The following NPY2R variants were observed in gnomAD, a reference collection of about 807,000 sequenced individuals.
The protein encoded by NPY2R is neuropeptide Y receptor type 2.
Under a neutral mutation model 22.3 loss-of-function variants are expected in NPY2R, and 17 were observed. The observed-to-expected ratio is 0.76, with a 90% CI of 0.52 to 1.14. NPY2R has a LOEUF of 1.14. NPY2R is among the 50% of genes most tolerant of loss of function. The probability of loss-of-function intolerance (pLI) is 0.00; values close to 1 mark genes in which losing one functional copy is unlikely to be tolerated. For missense variants in NPY2R, 424 were observed against 467.9 expected, an observed-to-expected ratio of 0.91 and a Z score of 0.87; for synonymous variants, 209 against 183.4, an observed-to-expected ratio of 1.14 and a Z score of -1.13.
chr4:155,202,024 T>C, the NPY2R span, among the ~76,000 whole-genome samples: 3 of 152,184 alleles, frequency 2.0e-5, no homozygotes, highest in Admixed American at 6.5e-5. Context: ...ACTCACTATA[T>C]ATTTTGTTTG....
intron 1 of NPY2R, among the ~76,000 whole-genome samples, chr4:155,209,528 G>A (rs1438307332): frequency 6.6e-6 from 1 of 152,116 alleles, no homozygotes; most frequent in East Asian, 1.9e-4. Flanking sequence ...GAGACTTTTT[G>A]CAATAGGTAC....
chr4:155,174,813 G>A, the NPY2R span, among the ~76,000 whole-genome samples: 119 of 151,846 alleles, frequency 7.8e-4, 3 homozygotes, highest in Admixed American at 7.2e-4. Context: ...TGATATTCAG[G>A]CATTGCCATG....
In NPY2R at chr4:155,214,266, C is replaced by T. The variant is rs1578901486; in HGVS notation, c.327C>T (p.Thr109=). 7 of 1,613,994 alleles carry T rather than the reference C, an allele frequency of 4.3e-6. No individual in the cohort carries two copies. The highest frequency in any genetic ancestry group is 5.9e-6 in the Non-Finnish European group (7 of 1,179,970). ...VNTLCLPFTL[T]YTLMGEWKMG... The stretch of plus-strand genomic sequence containing the variant: ...CTCTGTGTCTACCGTTCACTCTTAC[C>T]TATACCTTAATGGGGGAGTGGAAAA... Residue 109 remains threonine (T), a synonymous_variant, in exon 2 of 2, where the codon ACC becomes ACT. Coordinates refer to ENST00000329476, the MANE Select transcript of NPY2R (RefSeq NM_000910.4).
At chr4:155,194,316 G>T in the NPY2R span, among the ~76,000 whole-genome samples, 3 of 149,972 alleles carry the variant, frequency 2.0e-5, no homozygotes, top group African/African-American at 7.3e-5. Flanking sequence ...TCATGTTGCT[G>T]GGGTTTGGTG....
rs569925110 is a variant in NPY2R at position 155,216,445 on chromosome 4, C to A, written c.*1360C>A. The A allele has an allele frequency of 6.0e-6, 1 of 166,658 alleles. No individual in the cohort carries two copies. The highest frequency in any genetic ancestry group is 1.5e-5 in the Non-Finnish European group (1 of 68,036). 10.3% of individuals were successfully genotyped at this position (166,658 alleles called of 1,614,324 possible). ...CTGAGATGTTAAAATAGTCATACGT[C>A]TTTAGATGCTATTAAAGTTTCATTA... is the stretch of plus-strand genomic sequence containing the variant. On this transcript the variant is annotated 3_prime_UTR_variant, in exon 2 of 2. Transcript: ENST00000329476.
At chr4:155,202,818 T>C in the NPY2R span, among the ~76,000 whole-genome samples, 3 of 152,146 alleles carry the variant, frequency 2.0e-5, no homozygotes, top group African/African-American at 7.2e-5. Context: ...AAATTATGTC[T>C]CTATATGCTA....
the NPY2R span, among the ~76,000 whole-genome samples, chr4:155,177,388 C>T: frequency 3.3e-5 from 5 of 152,146 alleles, no homozygotes; most frequent in East Asian, 1.9e-4. Flanking sequence ...TAATGGGTAC[C>T]GAGTAAGTCC....
At chr4:155,175,301 A>G in the NPY2R span, among the ~76,000 whole-genome samples, 54 of 152,160 alleles carry the variant, frequency 3.5e-4, no homozygotes, top group African/African-American at 1.3e-3. Flanking sequence ...TACACAGGGG[A>G]GATACAGTCA....
the NPY2R span, among the ~76,000 whole-genome samples, chr4:155,194,813 T>A: frequency 6.6e-6 from 1 of 152,012 alleles, no homozygotes; most frequent in Non-Finnish European, 1.5e-5. Flanking sequence ...ATCTCCATAC[T>A]GCTTTCCACA....
At chr4:155,193,343 T>C in the NPY2R span, among the ~76,000 whole-genome samples, 1 of 151,872 alleles carries the variant, frequency 6.6e-6, no homozygotes, top group African/African-American at 2.4e-5. Context: ...GGTATTTAAA[T>C]CCAGGCAGGC....
chr4:155,192,673 T>A, the NPY2R span, among the ~76,000 whole-genome samples: 1 of 151,964 alleles, frequency 6.6e-6, no homozygotes, highest in Non-Finnish European at 1.5e-5. Flanking sequence ...TAAATACCCA[T>A]CAATGAGTAA....
At chr4:155,182,606 A>G in the NPY2R span, among the ~76,000 whole-genome samples, 1 of 152,126 alleles carries the variant, frequency 6.6e-6, no homozygotes, top group African/African-American at 2.4e-5. Flanking sequence ...AATCACAATG[A>G]AGTTCTCTTG....
chr4:155,203,227 A>C, the NPY2R span, among the ~76,000 whole-genome samples: 1 of 152,160 alleles, frequency 6.6e-6, no homozygotes, highest in Non-Finnish European at 1.5e-5. Context: ...TTTAGGAAGT[A>C]GCATACGTTT....
At chr4:155,193,958 A>C in the NPY2R span, among the ~76,000 whole-genome samples, 1,228 of 152,064 alleles carry the variant, frequency 8.1e-3, 25 homozygotes, top group African/African-American at 0.028. Flanking sequence ...TAAAATGTGA[A>C]ATTGAAAGTG....
chr4:155,190,498 A>G, the NPY2R span, among the ~76,000 whole-genome samples: 2 of 151,966 alleles, frequency 1.3e-5, no homozygotes, highest in Non-Finnish European at 2.9e-5. Context: ...TTCCTGTACT[A>G]TATTAGTGAG....
the NPY2R span, among the ~76,000 whole-genome samples, chr4:155,203,375 A>G: frequency 1.3e-5 from 2 of 152,164 alleles, no homozygotes; most frequent in African/African-American, 2.4e-5. Flanking sequence ...TTCAAACTTT[A>G]CTGGACTACT....
At chr4:155,208,456 C>T (rs537106996), upstream of NPY2R, 3 of 152,212 alleles carry the variant, frequency 2.0e-5, no homozygotes, top group African/African-American at 7.2e-5. This position sits in a 1 kb window ranked among gnomAD's most constrained non-coding sequence, Gnocchi z 5.6. Flanking sequence ...GGGTAGAGAG[C>T]AAAGGGAGAG....
the NPY2R span, among the ~76,000 whole-genome samples, chr4:155,201,710 T>C: frequency 3.9e-5 from 6 of 152,122 alleles, no homozygotes; most frequent in Non-Finnish European, 8.8e-5. Context: ...GTTTGACTTA[T>C]TGTGTGCCCT....
chr4:155,179,090 T>C, the NPY2R span, among the ~76,000 whole-genome samples: 2 of 152,196 alleles, frequency 1.3e-5, no homozygotes, highest in African/African-American at 2.4e-5. Flanking sequence ...ATTTTTCATA[T>C]CTAGAAGTTA....
Sources: allele counts gnomAD v4.1 joint callset (sites outside exome capture counted in the v4.1 genomes callset), GRCh38; gene constraint gnomAD v4.1.1; non-coding constraint Gnocchi (gnomAD v3.1); transcripts MANE v1.5; gene names NCBI Gene and HGNC (gene_info 2026-07-23, HGNC 2026-07-21).